The following LMTK2 variants were observed in gnomAD, a reference collection of about 807,000 sequenced individuals.
The protein encoded by LMTK2 is serine/threonine-protein kinase LMTK2.
A neutral mutation model predicts 127.5 loss-of-function variants in LMTK2; 37 were observed. The observed-to-expected ratio is 0.29, with a 90% CI of 0.22 to 0.38. LMTK2 has a LOEUF of 0.38. Among genes scored for constraint, LMTK2 ranks in the 10% least tolerant of loss-of-function variants. The pLI is 1.00. For missense variants in LMTK2, 1,694 were observed against 1,920.3 expected (o/e 0.88, Z 2.20); for synonymous variants, 819 against 810.1 (o/e 1.01, Z -0.19).
At chr7:98,147,369 C>G (rs896231254) in intron 3 of LMTK2, among the ~76,000 whole-genome samples, 1 of 152,146 alleles carries the variant, frequency 6.6e-6, no homozygotes, top group African/African-American at 2.4e-5. Flanking sequence ...CAGGTGCACG[C>G]TACCACTCCT....
intron 1 of LMTK2, among the ~76,000 whole-genome samples, chr7:98,123,149 A>G (rs1228795310): frequency 6.6e-6 from 1 of 152,142 alleles, no homozygotes; most frequent in East Asian, 1.9e-4. Context: ...CAGCTCTTTT[A>G]GCCACATTGT....
At chr7:98,204,857 C>T (rs1562925741) in intron 13 of LMTK2, among the ~76,000 whole-genome samples, 1 of 152,218 alleles carries the variant, frequency 6.6e-6, no homozygotes, top group Non-Finnish European at 1.5e-5. Context: ...AGAGAACCTG[C>T]TCTTCAGCAG....
chr7:98,204,778 G>C (rs747567920), intron 13 of LMTK2, among the ~76,000 whole-genome samples: 26 of 152,232 alleles, frequency 1.7e-4, no homozygotes, highest in Non-Finnish European at 3.7e-4. Flanking sequence ...CCCAGGCTGC[G>C]CGCCATCTCC....
chr7:98,149,763 C>G (rs1193627724), intron 3 of LMTK2, among the ~76,000 whole-genome samples: 3 of 152,090 alleles, frequency 2.0e-5, no homozygotes, highest in Admixed American at 6.5e-5. Context: ...ATAAATTGGA[C>G]CTTTTCAAAA....
In LMTK2 at chr7:98,110,457, A is replaced by G. The variant is rs1034691764; in HGVS notation, c.103+3177A>G. ...AAGGGCCCTTGTTGTTATGTAGACT[A>G]AGACTTGTTGGTCCTCTCTAGGAAG... On this transcript the variant is annotated intron_variant, in intron 1 of 13. Coordinates refer to ENST00000297293, the MANE Select transcript of LMTK2 (RefSeq NM_014916.4). Among the ~76,000 whole-genome samples the G allele has an allele frequency of 4.6e-5, 7 of 152,232 alleles. No homozygotes were observed. The South Asian group carries it at 8.3e-4, about 18-fold the overall frequency.
chr7:98,116,038 C>A (rs1796277929), intron 1 of LMTK2, among the ~76,000 whole-genome samples: 3 of 152,022 alleles, frequency 2.0e-5, no homozygotes, highest in Non-Finnish European at 4.4e-5. Context: ...GCGCATGTAA[C>A]CATGCTTGGC....
At chr7:98,133,268 T>G (rs752183859) in intron 1 of LMTK2, among the ~76,000 whole-genome samples, 5 of 152,200 alleles carry the variant, frequency 3.3e-5, no homozygotes, top group African/African-American at 4.8e-5. Context: ...ACGTATGCCC[T>G]TCTCAGTGCT....
chr7:98,174,135 A>G (rs1239328140), intron 7 of LMTK2, among the ~76,000 whole-genome samples: 3 of 151,236 alleles, frequency 2.0e-5, no homozygotes, highest in Admixed American at 6.6e-5. Flanking sequence ...AAAAGTAATC[A>G]TATCTATATT....
chr7:98,193,661 G>C lies in LMTK2; in HGVS notation c.3196G>C (p.Gly1066Arg), dbSNP rs147359017. 6.2e-7 allele frequency: 1 copy of C among 1,613,746 alleles called. No homozygotes were observed. The highest frequency in any genetic ancestry group is 1.3e-5 in the African/African-American group (1 of 74,992). Residue 1066 changes from glycine (G) to arginine (R), a missense_variant, in exon 11 of 14, where the codon GGT becomes CGT. Physicochemically the swap from Gly to Arg is moderately radical, Grantham distance 125 (BLOSUM62 -2). Around this residue, in one of 8 missense-constraint regions of LMTK2, gnomAD observed 65 missense variants for 116.5 expected, o/e 0.56. Transcript: ENST00000297293. The surrounding 1 kb of genome is among the most constrained non-coding windows in gnomAD (Gnocchi z 4.1). ...PATTGDGGHS[G>R]LPPNPVIVIS... ...CACCACGGGCGATGGCGGCCACAGC[G>C]GTCTGCCTCCCAACCCGGTCATTGT...
chr7:98,156,534 G>A (rs1180600814), intron 5 of LMTK2, among the ~76,000 whole-genome samples: 2 of 151,802 alleles, frequency 1.3e-5, no homozygotes, highest in Non-Finnish European at 2.9e-5. Flanking sequence ...GGAGAAACTA[G>A]ATCCCTCATA....
intron 10 of LMTK2, 123 bp from the exon 11 acceptor site, chr7:98,191,491 G>A (rs944019460): frequency 1.4e-6 from 1 of 712,766 alleles, no homozygotes; most frequent in African/African-American, 1.8e-5. Context: ...GGCAGAGGTT[G>A]CAGTGAGCCG....
At chr7:98,179,638 C>A (rs1797326055) in intron 7 of LMTK2, among the ~76,000 whole-genome samples, 2 of 136,356 alleles carry the variant, frequency 1.5e-5, no homozygotes, top group African/African-American at 5.6e-5. Flanking sequence ...TTTCTCCCTC[C>A]CTCCCTCTCT....
intron 1 of LMTK2, among the ~76,000 whole-genome samples, chr7:98,130,690 T>C (rs138993966): frequency 8.5e-5 from 13 of 152,178 alleles, no homozygotes; most frequent in Admixed American, 2.0e-4. Flanking sequence ...GGGGAGATGA[T>C]GGGAAGAGAC....
At chr7:98,141,254 A>G (rs1279875946) in intron 2 of LMTK2, 143 bp from the exon 3 acceptor site, 3 of 706,826 alleles carry the variant, frequency 4.2e-6, no homozygotes, top group Non-Finnish European at 7.1e-6. Flanking sequence ...GTCAGAGAAC[A>G]AAATTACATA....
At chr7:98,116,609 C>T (rs1253231148) in intron 1 of LMTK2, among the ~76,000 whole-genome samples, 1 of 152,010 alleles carries the variant, frequency 6.6e-6, no homozygotes, top group Non-Finnish European at 1.5e-5. Flanking sequence ...TTTACAGAAA[C>T]ATTGCAAAGA....
Position 98,171,589 on chromosome 7 carries a change from G to C in LMTK2, c.706G>C (p.Asp236His). The change falls in exon 7 of 14, where the codon GAC becomes CAC. Residue 236 changes from aspartate (D) to histidine (H), a missense_variant. Coordinates refer to ENST00000297293, the MANE Select transcript of LMTK2 (RefSeq NM_014916.4). This position sits in a 1 kb window ranked among gnomAD's most constrained non-coding sequence, Gnocchi z 5.1. ...CAGCGAGCAGGAGCACATGCGGGGGGACTCACAGACCATGCTGCTGCAGAG... is the reference window on the plus strand; with the variant it reads ...CAGCGAGCAGGAGCACATGCGGGGGCACTCACAGACCATGCTGCTGCAGAG... ...LRSEQEHMRG[D>H]SQTMLLQRMA... 6.2e-7 allele frequency: 1 copy of C among 1,613,428 alleles called. No individual in the cohort carries two copies. Among genetic ancestry groups the C allele is most frequent in the Non-Finnish European group, 8.5e-7 (1 of 1,179,888 alleles).
chr7:98,174,540 C>T (rs1400283994), intron 7 of LMTK2, among the ~76,000 whole-genome samples: 1 of 152,216 alleles, frequency 6.6e-6, no homozygotes, highest in African/African-American at 2.4e-5. Flanking sequence ...GCCTGCCAGT[C>T]TCCTGAGCAG....
chr7:98,192,282 T>C lies in LMTK2; in HGVS notation c.1817T>C (p.Phe606Ser), dbSNP rs747547488. 1 of 1,533,266 alleles carries C rather than the reference T, an allele frequency of 6.5e-7. No homozygotes were observed. Among genetic ancestry groups the C allele is most frequent in the South Asian group, 1.3e-5 (1 of 75,908 alleles). 95.0% of individuals were successfully genotyped at this position (1,533,266 alleles called of 1,614,324 possible). ...ELEESSTDEDFFQSSTDPKDS... is the reference protein window; with the variant it reads ...ELEESSTDEDSFQSSTDPKDS... ...GAGGAGTCCAGTACAGATGAGGACT[T>C]CTTCCAAAGCAGTACAGACCCCAAA... Residue 606 changes from phenylalanine to serine, a missense_variant, in exon 11 of 14, where the codon TTC becomes TCC. Coordinates refer to ENST00000297293, the MANE Select transcript of LMTK2 (RefSeq NM_014916.4).
chr7:98,178,341 A>G (rs1189664040), intron 7 of LMTK2, among the ~76,000 whole-genome samples: 3 of 152,244 alleles, frequency 2.0e-5, no homozygotes, highest in Non-Finnish European at 4.4e-5. Context: ...CGCGCAAACT[A>G]GTCCTAGCGT....
Sources: allele counts gnomAD v4.1 joint callset (sites outside exome capture counted in the v4.1 genomes callset), GRCh38; gene constraint gnomAD v4.1.1; regional missense constraint gnomAD v4.1.1; non-coding constraint Gnocchi (gnomAD v3.1); transcripts MANE v1.5; gene names NCBI Gene and HGNC (gene_info 2026-07-23, HGNC 2026-07-21).